Variants in B3GALT1 observed in about 807,000 individuals in gnomAD.
B3GALT1 encodes beta-1,3-galactosyltransferase 1.
Under a neutral mutation model 23.2 loss-of-function variants are expected in B3GALT1, and 10 were observed. The ratio of observed to expected loss-of-function variants is 0.43; its 90% CI spans 0.27 to 0.73. The LOEUF is 0.73. Among genes scored for constraint, B3GALT1 ranks in the 30% least tolerant of loss-of-function variants. The pLI is 0.21. For missense variants in B3GALT1, 299 were observed against 405.4 expected, an observed-to-expected ratio of 0.74 and a Z score of 2.25; for synonymous variants, 156 against 141.5, an observed-to-expected ratio of 1.10 and a Z score of -0.73.
chr2:167,689,300 C>T (rs59755059), intron 3 of B3GALT1, among the ~76,000 whole-genome samples: 33,057 of 151,900 alleles, frequency 0.22, 4,251 homozygotes, highest in Admixed American at 0.3. Flanking sequence ...AATCTGGAAT[C>T]CTATATCCAG....
chr2:167,303,132 G>T (rs1696478508), intron 1 of B3GALT1, among the ~76,000 whole-genome samples: 2 of 152,182 alleles, frequency 1.3e-5, no homozygotes, highest in Admixed American at 1.3e-4. Flanking sequence ...TGGTTGCCTT[G>T]TAGCCATTGC....
intron 2 of B3GALT1, among the ~76,000 whole-genome samples, chr2:167,637,172 T>A (rs1234967167): frequency 1.3e-5 from 2 of 151,940 alleles, no homozygotes; most frequent in African/African-American, 4.8e-5. Flanking sequence ...TCAAGATGGA[T>A]TTCTGTTGCT....
At chr2:167,701,818 C>A (rs1686885773) in intron 3 of B3GALT1, among the ~76,000 whole-genome samples, 2 of 152,142 alleles carry the variant, frequency 1.3e-5, no homozygotes, top group South Asian at 2.1e-4. Context: ...AGGACAGATG[C>A]TATTTGGCAG....
At chr2:167,828,401 G>A (rs1689273486) in intron 4 of B3GALT1, among the ~76,000 whole-genome samples, 1 of 152,204 alleles carries the variant, frequency 6.6e-6, no homozygotes, top group Non-Finnish European at 1.5e-5. Context: ...CATGGAAAGT[G>A]TTCTGTGGGA....
intron 2 of B3GALT1, among the ~76,000 whole-genome samples, chr2:167,568,899 A>C (rs1335551384): frequency 6.6e-6 from 1 of 151,940 alleles, no homozygotes; most frequent in Non-Finnish European, 1.5e-5. Flanking sequence ...TTTTGGGGAA[A>C]GGTACCATAA....
At chr2:167,661,191 T>C (rs1050232503) in intron 3 of B3GALT1, among the ~76,000 whole-genome samples, 3 of 152,122 alleles carry the variant, frequency 2.0e-5, no homozygotes, top group African/African-American at 7.2e-5. Context: ...GGAGGCAACG[T>C]TGTCACCCTC....
chr2:167,536,805 C>T (rs575235526), intron 2 of B3GALT1, among the ~76,000 whole-genome samples: 1 of 152,256 alleles, frequency 6.6e-6, no homozygotes, highest in South Asian at 2.1e-4. Flanking sequence ...GAAAGGACCT[C>T]CTGCCAGTTG....
At chr2:167,612,716 A>T (rs1399793223) in intron 2 of B3GALT1, among the ~76,000 whole-genome samples, 1 of 151,938 alleles carries the variant, frequency 6.6e-6, no homozygotes, top group Non-Finnish European at 1.5e-5. Flanking sequence ...ATTGTAAAGA[A>T]TATCCTTTTT....
intron 3 of B3GALT1, among the ~76,000 whole-genome samples, chr2:167,688,613 AG>A (rs1425092270): frequency 6.6e-6 from 1 of 152,060 alleles, no homozygotes; most frequent in Non-Finnish European, 1.5e-5. Context: ...AACAACAGAG[AG>A]AAAATCAACT....
chr2:167,349,740 T>C (rs1697281009), intron 1 of B3GALT1, among the ~76,000 whole-genome samples: 1 of 152,158 alleles, frequency 6.6e-6, no homozygotes, highest in African/African-American at 2.4e-5. Context: ...AGGTTCTCCA[T>C]ACTATACAGT....
At chr2:167,302,833 A>G (rs1425406809) in intron 1 of B3GALT1, among the ~76,000 whole-genome samples, 1 of 152,196 alleles carries the variant, frequency 6.6e-6, no homozygotes, top group Non-Finnish European at 1.5e-5. Context: ...GCTTCCTTAC[A>G]TAAATCCAAA....
chr2:167,501,210 G>A (rs1699843853), intron 2 of B3GALT1, among the ~76,000 whole-genome samples: 1 of 151,880 alleles, frequency 6.6e-6, no homozygotes, highest in South Asian at 2.1e-4. Context: ...CTTTAAAGTG[G>A]GTATGTTGAA....
At chr2:167,794,311 G>A (rs1688502885) in intron 3 of B3GALT1, among the ~76,000 whole-genome samples, 1 of 152,192 alleles carries the variant, frequency 6.6e-6, no homozygotes, top group Non-Finnish European at 1.5e-5. Flanking sequence ...AATAAGTCTG[G>A]TTGAATTTGA....
intron 1 of B3GALT1, among the ~76,000 whole-genome samples, chr2:167,386,669 C>G (rs1213681245): frequency 6.6e-6 from 1 of 152,114 alleles, no homozygotes; most frequent in African/African-American, 2.4e-5. Flanking sequence ...CCTCTCATAT[C>G]AAAGTCCATA....
chr2:167,676,516 TACACACACACACACACAC>T (rs34764364), intron 3 of B3GALT1, among the ~76,000 whole-genome samples: 2 of 145,186 alleles, frequency 1.4e-5, no homozygotes, highest in East Asian at 2.0e-4. Flanking sequence ...TGTATGTTTA[TACACACACACACACACAC>T]ACACACACAC....
chr2:167,539,469 G>C (rs1457421190), intron 2 of B3GALT1, among the ~76,000 whole-genome samples: 2 of 152,124 alleles, frequency 1.3e-5, no homozygotes, highest in Non-Finnish European at 2.9e-5. Flanking sequence ...GCATTACTTT[G>C]CAAAAACAGG....
chr2:167,463,417 A>G (rs1216783190), intron 1 of B3GALT1, among the ~76,000 whole-genome samples: 1 of 152,174 alleles, frequency 6.6e-6, no homozygotes, highest in East Asian at 1.9e-4. Flanking sequence ...TTTACTGCTT[A>G]CTAAATACTA....
At chr2:167,714,900 A>C (rs1687119456) in intron 3 of B3GALT1, 14 of 1,611,164 alleles carry the variant, frequency 8.7e-6, no homozygotes, top group Non-Finnish European at 4.2e-6. Flanking sequence ...TTTTCTTGAT[A>C]TAGTTCAGTC....
At chr2:167,476,512 G>T (rs569314195) in intron 1 of B3GALT1, among the ~76,000 whole-genome samples, 1 of 152,242 alleles carries the variant, frequency 6.6e-6, no homozygotes, top group East Asian at 1.9e-4. Context: ...GATCCTTCTT[G>T]TCCTATTACA....
Sources: gnomAD v4.1 joint callset for allele counts (sites outside exome capture counted in the v4.1 genomes callset) on GRCh38, gnomAD v4.1.1 for gene constraint, MANE v1.5 for transcripts, NCBI Gene and HGNC (gene_info 2026-07-23, HGNC 2026-07-21) for gene names.